PCDH15: variants seen among roughly 807,000 people sequenced by gnomAD.
The protein encoded by PCDH15 is protocadherin-15.
Under a neutral mutation model 178.5 loss-of-function variants are expected in PCDH15, and 129 were observed. The ratio of observed to expected loss-of-function variants is 0.72; its 90% CI spans 0.63 to 0.84. The LOEUF is 0.84. Among genes scored for constraint, PCDH15 ranks in the 40% least tolerant of loss-of-function variants. The pLI is 0.00. For missense variants in PCDH15, 2,230 were observed against 2,099.9 expected (o/e 1.06, Z -1.21); for synonymous variants, 800 against 732.0 (o/e 1.09, Z -1.50).
At chr10:54,457,622 A>T (rs1311755790) in intron 3 of PCDH15, among the ~76,000 whole-genome samples, 2 of 152,162 alleles carry the variant, frequency 1.3e-5, no homozygotes, top group African/African-American at 4.8e-5. Context: ...GCTAATTTGC[A>T]ATATGTTTCC....
chr10:55,594,106 T>C (rs1313146225), intron 2 of PCDH15, among the ~76,000 whole-genome samples: 3 of 151,944 alleles, frequency 2.0e-5, no homozygotes, highest in Non-Finnish European at 4.4e-5. Flanking sequence ...TTCTAGCTAC[T>C]GACATAATTT....
intron 2 of PCDH15, among the ~76,000 whole-genome samples, chr10:55,156,841 G>A (rs962357006): frequency 2.6e-5 from 4 of 152,112 alleles, no homozygotes; most frequent in Non-Finnish European, 5.9e-5. Context: ...GTTGGTGACT[G>A]TTGAAAGTGT....
chr10:54,945,619 T>A (rs1158170042), intron 2 of PCDH15, among the ~76,000 whole-genome samples: 1 of 151,544 alleles, frequency 6.6e-6, no homozygotes, highest in Admixed American at 6.6e-5. Context: ...TAAAGAGAAA[T>A]TTGTTTTTAT....
At chr10:55,275,705 CTTTT>C in intron 1 of PCDH15, among the ~76,000 whole-genome samples, 1 of 139,734 alleles carries the variant, frequency 7.2e-6, no homozygotes, top group South Asian at 2.3e-4. Flanking sequence ...ACTTGTCTCT[CTTTT>C]TTTTTTTTTC....
At chr10:54,993,162 G>A (rs1839546217) in intron 2 of PCDH15, among the ~76,000 whole-genome samples, 1 of 152,176 alleles carries the variant, frequency 6.6e-6, no homozygotes, top group Non-Finnish European at 1.5e-5. Flanking sequence ...CTTGGGGACA[G>A]ATTGAATATG....
intron 2 of PCDH15, among the ~76,000 whole-genome samples, chr10:54,659,856 T>C (rs1352539554): frequency 2.0e-5 from 3 of 150,726 alleles, no homozygotes; most frequent in African/African-American, 7.3e-5. Context: ...AACAAGAAAA[T>C]TAAGGCAGAC....
At chr10:54,639,891 T>C (rs140560349) in intron 2 of PCDH15, among the ~76,000 whole-genome samples, 29 of 152,258 alleles carry the variant, frequency 1.9e-4, no homozygotes, top group Non-Finnish European at 3.8e-4. Context: ...TTTCCTGATA[T>C]ATGGCACTGA....
chr10:54,510,172 A>G (rs2081524062), intron 3 of PCDH15, among the ~76,000 whole-genome samples: 1 of 152,092 alleles, frequency 6.6e-6, no homozygotes, highest in African/African-American at 2.4e-5. Flanking sequence ...TTGTTTATTC[A>G]CTTTTCCTGA....
chr10:54,631,092 G>A (rs2093688584), intron 2 of PCDH15, among the ~76,000 whole-genome samples: 1 of 152,164 alleles, frequency 6.6e-6, no homozygotes, highest in Non-Finnish European at 1.5e-5. Flanking sequence ...GGACCTGCTT[G>A]GAGGTGTGTT....
intron 2 of PCDH15, among the ~76,000 whole-genome samples, chr10:55,134,610 A>G (rs1213047470): frequency 1.3e-5 from 2 of 152,136 alleles, no homozygotes; most frequent in Non-Finnish European, 2.9e-5. Context: ...ATACAATTTT[A>G]TCTTCTGGTT....
At chr10:54,014,070 A>G (rs1260814137) in intron 20 of PCDH15, among the ~76,000 whole-genome samples, 1 of 152,088 alleles carries the variant, frequency 6.6e-6, no homozygotes, top group Non-Finnish European at 1.5e-5. Context: ...GAAATGACTG[A>G]CTGAATGAAA....
chr10:55,341,771 A>G (rs1347592047), intron 2 of PCDH15, among the ~76,000 whole-genome samples: 1 of 11,312 alleles, frequency 8.8e-5, no homozygotes, highest in Non-Finnish European at 1.8e-4. Flanking sequence ...GCATATATAT[A>G]TATATATATA....
intron 13 of PCDH15, among the ~76,000 whole-genome samples, chr10:54,179,817 T>C (rs530957583): frequency 1.3e-5 from 2 of 152,302 alleles, no homozygotes; most frequent in Non-Finnish European, 2.9e-5. Flanking sequence ...TCAATTATCA[T>C]TGAGAATCAC....
intron 2 of PCDH15, among the ~76,000 whole-genome samples, chr10:55,566,821 A>G (rs1246397046): frequency 6.6e-6 from 1 of 151,924 alleles, no homozygotes. Context: ...TCATGATTGG[A>G]AGACTTAACA....
chr10:54,076,912 T>C (rs1333792312), intron 17 of PCDH15, among the ~76,000 whole-genome samples: 1 of 152,142 alleles, frequency 6.6e-6, no homozygotes, highest in Non-Finnish European at 1.5e-5. Flanking sequence ...CTGTCTGTGT[T>C]TATTAAATAT....
chr10:55,317,070 A>G (rs1218906833), intron 1 of PCDH15, among the ~76,000 whole-genome samples: 3 of 152,172 alleles, frequency 2.0e-5, no homozygotes, highest in African/African-American at 4.8e-5. Context: ...CATTGTCATC[A>G]TAATAAAATA....
intron 25 of PCDH15, among the ~76,000 whole-genome samples, chr10:53,928,464 T>C (rs753898778): frequency 2.2e-4 from 33 of 152,186 alleles, no homozygotes; most frequent in Non-Finnish European, 3.4e-4. Flanking sequence ...AGAATGGGGA[T>C]AGCCAATGCC....
intron 2 of PCDH15, among the ~76,000 whole-genome samples, chr10:54,619,572 G>T (rs2093290347): frequency 6.6e-6 from 1 of 151,954 alleles, no homozygotes. Context: ...GTGAGGAATG[G>T]TGGAATGCAG....
At chr10:55,370,458 C>T (rs947543288) in intron 2 of PCDH15, among the ~76,000 whole-genome samples, 2 of 151,976 alleles carry the variant, frequency 1.3e-5, no homozygotes, top group Non-Finnish European at 2.9e-5. Context: ...TGAAATATGC[C>T]TTTTTCTGAA....
Sources: gnomAD v4.1 joint callset for allele counts (sites outside exome capture counted in the v4.1 genomes callset) on GRCh38, gnomAD v4.1.1 for gene constraint, MANE v1.5 for transcripts, NCBI Gene and HGNC (gene_info 2026-07-23, HGNC 2026-07-21) for gene names.